The following G3BP2 variants were observed in gnomAD, a reference collection of about 807,000 sequenced individuals.
The protein encoded by G3BP2 is G3BP stress granule assembly factor 2.
A neutral mutation model predicts 56.7 loss-of-function variants in G3BP2; 11 were observed. That is an observed-to-expected ratio of 0.19 (90% CI 0.12 to 0.32). G3BP2 has a LOEUF of 0.32. Ranked by LOEUF, G3BP2 falls within the 10% of genes least tolerant of loss-of-function variation. The pLI is 1.00. For missense variants in G3BP2, 340 were observed against 610.9 expected, an observed-to-expected ratio of 0.56 and a Z score of 4.67; for synonymous variants, 165 against 191.6, an observed-to-expected ratio of 0.86 and a Z score of 1.15.
chr4:75,667,445 A>G (rs183068866), intron 1 of G3BP2, among the ~76,000 whole-genome samples: 84 of 152,302 alleles, frequency 5.5e-4, no homozygotes, highest in Non-Finnish European at 1.1e-3. Context: ...AAAGTTAAAT[A>G]CAATATATCA....
intron 3 of G3BP2, among the ~76,000 whole-genome samples, chr4:75,720,280 C>T (rs1048671563): frequency 1.0e-4 from 15 of 149,022 alleles, no homozygotes; most frequent in South Asian, 2.1e-4. Flanking sequence ...TCTGGGAGGC[C>T]GAGGCGGGCG....
upstream of G3BP2, among the ~76,000 whole-genome samples, chr4:75,675,411 T>C (rs916440280): frequency 1.3e-5 from 2 of 152,226 alleles, no homozygotes; most frequent in Admixed American, 6.5e-5. Context: ...TCCCTAAGTT[T>C]CTGATTCAAC....
chr4:75,665,498 C>A (rs1370459672), intron 1 of G3BP2, among the ~76,000 whole-genome samples: 1 of 152,130 alleles, frequency 6.6e-6, no homozygotes, highest in Non-Finnish European at 1.5e-5. Flanking sequence ...GTAATCCCAG[C>A]ACTTTGGGAC....
rs149654626 is a variant in G3BP2, at chr4:75,679,746, T to C, written c.-24-17697A>G. Reference sequence around the variant, plus strand: ...AATCAACATACAAAGAATCAGATTATCAATTATGAAAATAACCCACCCTGA... The same window carrying C: ...AATCAACATACAAAGAATCAGATTACCAATTATGAAAATAACCCACCCTGA... On this transcript the variant is annotated intron_variant, in intron 3 of 3. Coordinates refer to the G3BP2 transcript ENST00000499709. Among the ~76,000 whole-genome samples the C allele has an allele frequency of 1.6e-4, 24 of 152,294 alleles. No individual in the cohort carries two copies. The East Asian group carries it at 4.6e-3, about 29-fold the overall frequency.
Position 75,645,381 on chromosome 4 carries a change from A to G in G3BP2, c.*49T>C. ...CAAAAAAAAAATTAACAAGAATGCAAACACGATGAATAATGTACCACTGCC... is the reference window on the plus strand; with the variant it reads ...CAAAAAAAAAATTAACAAGAATGCAGACACGATGAATAATGTACCACTGCC... On this transcript the variant is annotated 3_prime_UTR_variant, in exon 12 of 12. Coordinates refer to ENST00000359707, the MANE Select transcript of G3BP2 (RefSeq NM_203505.3). 1.3e-6 allele frequency: 2 copies of G among 1,537,450 alleles called. No individual in the cohort carries two copies. The highest frequency in any genetic ancestry group is 1.8e-6 in the Non-Finnish European group (2 of 1,138,126).
chr4:75,708,836 C>A (rs1345256323), intron 3 of G3BP2, among the ~76,000 whole-genome samples: 1 of 152,106 alleles, frequency 6.6e-6, no homozygotes, highest in East Asian at 1.9e-4. Flanking sequence ...TGGGTCCAGG[C>A]ACAGTGGCTC....
intron 3 of G3BP2, among the ~76,000 whole-genome samples, chr4:75,719,044 T>G (rs1057037475): frequency 2.0e-5 from 3 of 152,140 alleles, no homozygotes; most frequent in African/African-American, 7.2e-5. Flanking sequence ...GGTAATATCT[T>G]TAAACGTTCA....
At chr4:75,664,696 A>G (rs1560622977) in intron 1 of G3BP2, among the ~76,000 whole-genome samples, 1 of 152,304 alleles carries the variant, frequency 6.6e-6, no homozygotes, top group South Asian at 2.1e-4. Flanking sequence ...AAAAATACAA[A>G]TAATTAGCAG....
rs1031407776 is a variant in G3BP2 at position 75,664,176 on chromosome 4, C to T, written c.-24-2127G>A. 4.6e-5 allele frequency among the ~76,000 whole-genome samples: 7 copies of T among 151,964 alleles called. No homozygotes were observed. In the East Asian group the frequency reaches 1.4e-3, roughly 30 times the overall value. On this transcript the variant is annotated intron_variant, in intron 1 of 11. Transcript: ENST00000359707. Reference sequence around the variant, plus strand: ...GGATTACAGGCGTGAGCCACCGTGCCCAGCCACCTGTTTTATTTTAAAAAG... The same window carrying T: ...GGATTACAGGCGTGAGCCACCGTGCTCAGCCACCTGTTTTATTTTAAAAAG...
At chr4:75,677,491 A>C (rs1224085437), upstream of G3BP2, among the ~76,000 whole-genome samples, 2 of 152,026 alleles carry the variant, frequency 1.3e-5, no homozygotes, top group Non-Finnish European at 2.9e-5. Context: ...GAATCACTTG[A>C]ACCCAGGAGG....
intron 10 of G3BP2, 59 bp downstream of exon 10, chr4:75,646,970 A>G (rs1266858487): frequency 9.3e-7 from 1 of 1,078,434 alleles, no homozygotes; most frequent in African/African-American, 1.6e-5. Flanking sequence ...AAAGCTCCAT[A>G]TGCCTCTTGC....
At chr4:75,660,800 T>A (rs551846724) in intron 2 of G3BP2, among the ~76,000 whole-genome samples, 16 of 152,298 alleles carry the variant, frequency 1.1e-4, no homozygotes, top group African/African-American at 3.8e-4. Flanking sequence ...ACTTACAAAG[T>A]CTAATTCTTG....
upstream of G3BP2, among the ~76,000 whole-genome samples, chr4:75,676,375 C>A (rs1733878674): frequency 7.5e-6 from 1 of 132,712 alleles, no homozygotes; most frequent in Non-Finnish European, 1.5e-5. Context: ...TGGAGTCTCG[C>A]TCTGTCATCC....
intron 2 of G3BP2, among the ~76,000 whole-genome samples, chr4:75,659,155 TG>T (rs1422281682): frequency 2.6e-5 from 4 of 152,242 alleles, no homozygotes; most frequent in Admixed American, 2.6e-4. Flanking sequence ...GCACATAGAA[TG>T]CTTAGTTTAT....
At chr4:75,665,656 A>AACACACACACACAC (rs368331407) in intron 1 of G3BP2, among the ~76,000 whole-genome samples, 3 of 73,104 alleles carry the variant, frequency 4.1e-5, no homozygotes, top group Non-Finnish European at 8.3e-5. Context: ...CACACAAACA[A>AACACACACACACAC]ACACACACAC....
chr4:75,649,785 G>A (rs1731530563), intron 8 of G3BP2, among the ~76,000 whole-genome samples: 1 of 152,012 alleles, frequency 6.6e-6, no homozygotes, highest in Admixed American at 6.5e-5. Flanking sequence ...CAAGCTGCGC[G>A]GATCACCTGA....
At chr4:75,654,940 A>G in intron 7 of G3BP2, 126 bp downstream of exon 7, 1 of 667,096 alleles carries the variant, frequency 1.5e-6, no homozygotes, top group South Asian at 2.1e-5. Context: ...CAAACCCCAC[A>G]GCTTCTTTCA....
intron 2 of G3BP2, among the ~76,000 whole-genome samples, chr4:75,721,825 C>T (rs1037387667): frequency 2.6e-5 from 4 of 152,036 alleles, no homozygotes; most frequent in Non-Finnish European, 4.4e-5. Context: ...GAATTTTGTT[C>T]GTTGATCTAT....
intron 3 of G3BP2, among the ~76,000 whole-genome samples, chr4:75,709,110 C>T (rs1408191807): frequency 6.9e-6 from 1 of 144,482 alleles, no homozygotes; most frequent in African/African-American, 2.6e-5. Flanking sequence ...TTGTCTGAAA[C>T]AATAACAACA....
Sources: allele counts gnomAD v4.1 joint callset (sites outside exome capture counted in the v4.1 genomes callset), GRCh38; gene constraint gnomAD v4.1.1; transcripts MANE v1.5; gene names NCBI Gene and HGNC (gene_info 2026-07-23, HGNC 2026-07-21).